ANKRD24: variants seen among roughly 807,000 people sequenced by gnomAD.
The protein encoded by ANKRD24 is ankyrin repeat domain 24.
ANKRD24 carries 109 observed loss-of-function variants against 127.8 expected under a neutral mutation model. The ratio of observed to expected loss-of-function variants is 0.85; its 90% CI spans 0.73 to 1.00. The LOEUF (loss-of-function observed/expected upper bound fraction) is 1.00. Ranked by LOEUF, ANKRD24 falls within the 50% of genes least tolerant of loss-of-function variation. The pLI is 0.00. For missense variants in ANKRD24, 1,648 were observed against 1,570.2 expected (o/e 1.05, Z -0.84); for synonymous variants, 743 against 671.1 (o/e 1.11, Z -1.66).
chr19:4,186,763 C>T (rs781505760), intron 2 of ANKRD24, among the ~76,000 whole-genome samples: 8 of 152,272 alleles, frequency 5.3e-5, no homozygotes, highest in Non-Finnish European at 7.4e-5. Flanking sequence ...CCGCTCTCCC[C>T]GGCCACAGTA....
In ANKRD24 at chr19:4,216,090, C is replaced by G. The variant is rs745902103; in HGVS notation, c.1270+40C>G. On this transcript the variant is annotated intron_variant, in intron 16 of 21. Coordinates refer to ENST00000318934, the MANE Select transcript of ANKRD24 (RefSeq NM_001393985.1). The stretch of plus-strand genomic sequence containing the variant: ...CCCCACGCACTCCCAGCCGCCTTGT[C>G]CCCTGGGGCCCTGGAAGACGGAGCC... The G allele has an allele frequency of 1.9e-6, 3 of 1,550,586 alleles. No individual in the cohort carries two copies. The Admixed American group carries it at 5.7e-5, about 30-fold the overall frequency.
intron 15 of ANKRD24, among the ~76,000 whole-genome samples, chr19:4,215,170 C>T (rs1047550564): frequency 3.3e-5 from 5 of 152,166 alleles, no homozygotes; most frequent in African/African-American, 1.2e-4. Flanking sequence ...TAATGCAACT[C>T]AATACCCAAA....
intron 2 of ANKRD24, among the ~76,000 whole-genome samples, chr19:4,188,410 G>A (rs984455644): frequency 1.2e-4 from 14 of 113,164 alleles, no homozygotes; most frequent in African/African-American, 4.5e-4. Context: ...TTGAGACAGA[G>A]TCTCTTTCTG....
intron 7 of ANKRD24, chr19:4,206,968 C>A: frequency 2.0e-6 from 1 of 500,806 alleles, no homozygotes; most frequent in South Asian, 2.5e-5. Flanking sequence ...TGCAGTGGTG[C>A]CATCATGGTT....
At chr19:4,207,378 A>G (rs1019173944) in intron 8 of ANKRD24, 66 bp downstream of exon 8, 3 of 1,586,648 alleles carry the variant, frequency 1.9e-6, no homozygotes, top group Non-Finnish European at 2.6e-6. Context: ...AAGTGGCAGT[A>G]TCTCAGGCAC....
chr19:4,219,670 G>A lies in ANKRD24; in HGVS notation c.3083G>A (p.Arg1028Gln), dbSNP rs747619057. The change falls in exon 19 of 22, where the codon CGG becomes CAG. Residue 1028 changes from arginine to glutamine, a missense_variant. Coordinates refer to ENST00000318934, the MANE Select transcript of ANKRD24 (RefSeq NM_001393985.1). ...AQLATAEQQL[R>Q]GLRTEAERAR... ...CTGGCCACAGCAGAGCAGCAGCTACGGGGGCTACGGACCGAGGCGGAAAGG... is the reference window on the plus strand; with the variant it reads ...CTGGCCACAGCAGAGCAGCAGCTACAGGGGCTACGGACCGAGGCGGAAAGG... 29 of 1,613,810 alleles carry A rather than the reference G, an allele frequency of 1.8e-5. No homozygotes were observed. In the African/African-American group the frequency reaches 1.9e-4, roughly 10 times the overall value.
At chr19:4,222,018 G>A (rs58179039) in intron 19 of ANKRD24, among the ~76,000 whole-genome samples, 7,434 of 152,218 alleles carry the variant, frequency 0.049, 620 homozygotes, top group African/African-American at 0.17. Context: ...AATAAGGCCC[G>A]GCATTTATTG....
chr19:4,199,697 C>T lies in ANKRD24; in HGVS notation c.51C>T (p.Pro17=), dbSNP rs766622546. Residue 17 remains proline, a synonymous_variant, in exon 3 of 22, where the codon CCC becomes CCT. Transcript: ENST00000318934. This position sits in a 1 kb window ranked among gnomAD's most constrained non-coding sequence, Gnocchi z 5.2. The part of the protein sequence containing the change: ...RFKKTELRLS[P]TDLGSCPPCG... Reference sequence around the variant, plus strand: ...TCCCCCTGCAGCTGCGGCTCAGCCCCACTGACCTTGGCTCCTGCCCGCCCT... The same window carrying T: ...TCCCCCTGCAGCTGCGGCTCAGCCCTACTGACCTTGGCTCCTGCCCGCCCT... 7 of 1,537,968 alleles carry T rather than the reference C, an allele frequency of 4.6e-6. No individual in the cohort carries two copies. The South Asian group carries it at 8.4e-5, about 18-fold the overall frequency.
Position 4,219,665 on chromosome 19 carries a change from G to T in ANKRD24, c.3078G>T (p.Gln1026His), listed in dbSNP as rs754436498. 7.0e-5 allele frequency: 113 copies of T among 1,613,770 alleles called. No homozygotes were observed. The Middle Eastern group carries it at 8.2e-4, about 12-fold the overall frequency. The change falls in exon 19 of 22, where the codon CAG becomes CAT. Residue 1026 changes from glutamine (Q) to histidine (H), a missense_variant. Gln to His is a conservative substitution (Grantham distance 24). Coordinates refer to ENST00000318934, the MANE Select transcript of ANKRD24 (RefSeq NM_001393985.1). ...CACAGCTGGCCACAGCAGAGCAGCA[G>T]CTACGGGGGCTACGGACCGAGGCGG... Reference protein sequence around the residue: ...AEAQLATAEQQLRGLRTEAER... With the variant: ...AEAQLATAEQHLRGLRTEAER...
intron 15 of ANKRD24, 66 bp from the exon 16 acceptor site, chr19:4,215,912 G>C (rs1326596362): frequency 1.3e-5 from 17 of 1,310,716 alleles, no homozygotes; most frequent in Non-Finnish European, 1.8e-5. Context: ...CCCCACTGGA[G>C]TCTTGGTGGG....
At position 4,224,144 on chromosome 19, in the gene ANKRD24, C is replaced by T. The variant is rs1230131441; in HGVS notation, c.3315C>T (p.His1105=). ...QQQLQEAARD[H]SSVVALYRSH... ...GCCCACAGGAAGCTGCCAGGGACCA[C>T]TCCAGCGTGGTGGCTTTGTACAGAA... Residue 1105 remains histidine, a synonymous_variant, in exon 21 of 22, where the codon CAC becomes CAT. Coordinates refer to ENST00000318934, the MANE Select transcript of ANKRD24 (RefSeq NM_001393985.1). 1 of 1,613,012 alleles carries T rather than the reference C, an allele frequency of 6.2e-7. No homozygotes were observed. Among genetic ancestry groups the T allele is most frequent in the East Asian group, 2.2e-5 (1 of 44,870 alleles).
chr19:4,197,983 G>A (rs75253620), intron 2 of ANKRD24, among the ~76,000 whole-genome samples: 1 of 152,256 alleles, frequency 6.6e-6, no homozygotes, highest in African/African-American at 2.4e-5. Context: ...ACGAATGGGC[G>A]AACGAATGAA....
rs371175017 is a variant in ANKRD24 at position 4,216,292 on chromosome 19, G to A, written c.1279G>A (p.Val427Met). ...GELPDLPGAE[V>M]LLSRQLSPSA... ...TCTGCGTCCCCCTCCAGGGGCCGAG[G>A]TGCTGCTGTCCAGACAACTCAGTCC... Residue 427 changes from valine (V) to methionine (M), a missense_variant, in exon 17 of 22, where the codon GTG becomes ATG. By Grantham distance (21) the Val-to-Met change is conservative (BLOSUM62 1). Transcript: ENST00000318934. 2.6e-6 allele frequency: 4 copies of A among 1,554,034 alleles called. No homozygotes were observed. The highest frequency in any genetic ancestry group is 3.5e-6 in the Non-Finnish European group (4 of 1,148,496).
At chr19:4,202,468 G>A (rs552781635) in intron 6 of ANKRD24, among the ~76,000 whole-genome samples, 1 of 152,214 alleles carries the variant, frequency 6.6e-6, no homozygotes, top group African/African-American at 2.4e-5. Flanking sequence ...TACTAGGGAG[G>A]CTGAGGCAGG....
intron 2 of ANKRD24, among the ~76,000 whole-genome samples, chr19:4,190,285 A>G (rs1968310910): frequency 6.6e-6 from 1 of 151,970 alleles, no homozygotes; most frequent in Non-Finnish European, 1.5e-5. Flanking sequence ...AATACAAAAA[A>G]TCAGCCGGGC....
At chr19:4,200,504 G>T (rs1969039335) in intron 5 of ANKRD24, among the ~76,000 whole-genome samples, 1 of 151,726 alleles carries the variant, frequency 6.6e-6, no homozygotes. Flanking sequence ...AGTTTCTGGG[G>T]TTTTGTTGTT....
In ANKRD24 at chr19:4,217,148, A is replaced by C. The variant is rs1425304543; in HGVS notation, c.1988A>C (p.Glu663Ala). The C allele has an allele frequency of 6.2e-7, 1 of 1,613,350 alleles. No homozygotes were observed. The highest frequency in any genetic ancestry group is 1.7e-5 in the Admixed American group (1 of 59,878). The change falls in exon 18 of 22, where the codon GAG (glutamate) becomes GCG (alanine). Residue 663 changes from glutamate to alanine, a missense_variant. Transcript: ENST00000318934. ...QAYGVGAGQA[E>A]PPVTGTTNME... is the part of the protein sequence containing the mutation. Reference sequence around the variant, plus strand: ...TACGGAGTGGGTGCTGGGCAAGCAGAGCCCCCAGTCACAGGGACCACAAAC... The same window carrying C: ...TACGGAGTGGGTGCTGGGCAAGCAGCGCCCCCAGTCACAGGGACCACAAAC...
intron 1 of ANKRD24, chr19:4,183,495 T>A: frequency 3.0e-6 from 1 of 334,760 alleles, no homozygotes; most frequent in Non-Finnish European, 4.3e-6. Flanking sequence ...TGACATGGTG[T>A]GGTTGGGGTG....
In ANKRD24 at chr19:4,209,776, G is replaced by A. The variant is rs1969601913; in HGVS notation, c.871-282G>A. On this transcript the variant is annotated intron_variant, in intron 11 of 21. Transcript: ENST00000318934. ...CCTCTCCCAGTTTTAAAGCATCTCT[G>A]TTCCACAGAGGAGTGAAAACGTGTG... Among the ~76,000 whole-genome samples, 2 of 152,218 alleles carry A rather than the reference G, an allele frequency of 1.3e-5. 1 individual carries two copies. The highest frequency in any genetic ancestry group is 4.1e-4 in the South Asian group (2 of 4,832).
Sources: allele counts gnomAD v4.1 joint callset (sites outside exome capture counted in the v4.1 genomes callset), GRCh38; gene constraint gnomAD v4.1.1; non-coding constraint Gnocchi (gnomAD v3.1); transcripts MANE v1.5; gene names NCBI Gene and HGNC (gene_info 2026-07-23, HGNC 2026-07-21).